Variants in NFATC1 observed in about 807,000 individuals in gnomAD.
NFATC1 encodes nuclear factor of activated T-cells, cytoplasmic 1.
NFATC1 carries 22 observed loss-of-function variants against 76.0 expected under a neutral mutation model. The observed-to-expected ratio is 0.29, with a 90% confidence interval of 0.21 to 0.41. The LOEUF is 0.41. Ranked by LOEUF, NFATC1 falls within the 10% of genes least tolerant of loss-of-function variation. The pLI, the probability that NFATC1 is intolerant of heterozygous loss-of-function variation, is 1.00. For missense variants in NFATC1, 1,357 were observed against 1,337.7 expected, an observed-to-expected ratio of 1.01 and a Z score of -0.23; for synonymous variants, 704 against 613.1, an observed-to-expected ratio of 1.15 and a Z score of -2.19.
intron 6 of NFATC1, 148 bp from the exon 7 acceptor site, chr18:79,461,163 G>A (rs576206188): frequency 8.2e-5 from 68 of 832,472 alleles, no homozygotes; most frequent in Non-Finnish European, 1.1e-4. Context: ...TGCTGCCCTC[G>A]ACAAAGCCCT....
chr18:79,490,046 G>C (rs1449843943), intron 9 of NFATC1, among the ~76,000 whole-genome samples: 9 of 152,204 alleles, frequency 5.9e-5, no homozygotes, highest in African/African-American at 2.2e-4. Flanking sequence ...ACAGCAGTTA[G>C]GGCTTCAGGC....
In NFATC1 at chr18:79,448,871, C is replaced by T; in HGVS notation, c.1476C>T (p.Tyr492=). The stretch of plus-strand genomic sequence containing the variant: ...GCCTGCTGCGCCCGCACGCCTTCTA[C>T]CAGGTGCACCGCATCACAGGGAAGA... ...DDRLLRPHAF[Y]QVHRITGKTV... is the part of the protein sequence containing the mutation. The change falls in exon 4 of 10, where the codon TAC becomes TAT. Residue 492 remains tyrosine, a synonymous_variant. Coordinates refer to ENST00000427363, the MANE Select transcript of NFATC1 (RefSeq NM_001278669.2). 6.2e-7 allele frequency: 1 copy of T among 1,613,802 alleles called. No homozygotes were observed. Among genetic ancestry groups the T allele is most frequent in the South Asian group, 1.1e-5 (1 of 91,088 alleles).
At chr18:79,519,263 AC>A (rs1418922146) in intron 9 of NFATC1, among the ~76,000 whole-genome samples, 1 of 152,248 alleles carries the variant, frequency 6.6e-6, no homozygotes, top group East Asian at 1.9e-4. Flanking sequence ...TTGTTTCACT[AC>A]CATCTGAAAA....
At position 79,524,837 on chromosome 18, in the gene NFATC1, C is replaced by A. The variant is rs995004877; in HGVS notation, c.2783-2691C>A. ...GCAAGGGGAAGCCCCATGGCCATGC[C>A]GCTTCCCTTTCACCCTCAGCGACGC... On this transcript the variant is annotated intron_variant, in intron 9 of 9. Transcript: ENST00000427363. The surrounding 1 kb of genome is among the most constrained non-coding windows in gnomAD (Gnocchi z 7.2). Among the ~76,000 whole-genome samples, 1 of 151,990 alleles carries A rather than the reference C, an allele frequency of 6.6e-6. No homozygotes were observed. Among genetic ancestry groups the A allele is most frequent in the Non-Finnish European group, 1.5e-5 (1 of 67,954 alleles).
intron 5 of NFATC1, 52 bp from the exon 6 acceptor site, chr18:79,451,624 C>T (rs2087477332): frequency 2.0e-6 from 3 of 1,465,606 alleles, no homozygotes; most frequent in Admixed American, 4.7e-5. Flanking sequence ...CACGTGTGCC[C>T]CAGGCCGCCC....
At chr18:79,412,960 C>T (rs889254902) in intron 2 of NFATC1, among the ~76,000 whole-genome samples, 13 of 152,130 alleles carry the variant, frequency 8.5e-5, no homozygotes, top group South Asian at 2.1e-4. Flanking sequence ...TGTCAGGACC[C>T]GGATTGTATT....
chr18:79,453,040 A>G (rs142005316), intron 6 of NFATC1, among the ~76,000 whole-genome samples: 1,707 of 152,322 alleles, frequency 0.011, 35 homozygotes, highest in African/African-American at 0.039. Context: ...ATTGGAAAAC[A>G]TGTTTTAAAT....
chr18:79,512,941 C>T (rs151213650), intron 9 of NFATC1, among the ~76,000 whole-genome samples: 1 of 152,244 alleles, frequency 6.6e-6, no homozygotes, highest in Non-Finnish European at 1.5e-5. Flanking sequence ...CCGCACCCCA[C>T]CCACACCAAA....
intron 2 of NFATC1, 128 bp downstream of exon 2, chr18:79,411,629 G>A: frequency 1.4e-6 from 1 of 716,218 alleles, no homozygotes; most frequent in Non-Finnish European, 1.8e-6. Flanking sequence ...ACCTGGGTGG[G>A]CAGGTGGGCT....
intron 3 of NFATC1, among the ~76,000 whole-genome samples, chr18:79,437,558 C>T (rs1298322105): frequency 6.6e-6 from 1 of 152,252 alleles, no homozygotes; most frequent in Non-Finnish European, 1.5e-5. Context: ...CTGCTTCTCA[C>T]CAGCATTTCC....
chr18:79,514,983 G>A (rs1398165578), intron 9 of NFATC1, among the ~76,000 whole-genome samples: 3 of 152,232 alleles, frequency 2.0e-5, no homozygotes, highest in Admixed American at 1.3e-4. Context: ...GGTCGAGGCT[G>A]CAGTGAGCTG....
chr18:79,421,388 A>AC (rs1214538120), intron 2 of NFATC1: 1 of 152,202 alleles, frequency 6.6e-6, no homozygotes, highest in Non-Finnish European at 1.5e-5. Flanking sequence ...GTTTCCAGAG[A>AC]CCGGGCCGTC....
chr18:79,502,974 G>A (rs1448321214), intron 9 of NFATC1, among the ~76,000 whole-genome samples: 1 of 152,232 alleles, frequency 6.6e-6, no homozygotes, highest in Non-Finnish European at 1.5e-5. Flanking sequence ...TCCTAGGTAT[G>A]TATTCAAGGA....
At chr18:79,526,990 G>C (rs2090783687) in intron 9 of NFATC1, 1 of 153,104 alleles carries the variant, frequency 6.5e-6, no homozygotes, top group African/African-American at 2.4e-5. Flanking sequence ...AGGTGGGTGG[G>C]GCGGGGATGC....
At chr18:79,469,635 C>T (rs997857040) in intron 8 of NFATC1, 25 of 985,926 alleles carry the variant, frequency 2.5e-5, no homozygotes, top group Middle Eastern at 5.2e-4. Flanking sequence ...GTCTCGGCTG[C>T]ACCCTCCACC....
At chr18:79,489,311 A>G (rs419923) in intron 9 of NFATC1, among the ~76,000 whole-genome samples, 96,546 of 152,020 alleles carry the variant, frequency 0.64, 30,754 homozygotes, top group African/African-American at 0.68. Context: ...GGGAGTGCAC[A>G]GACGACTCCC....
rs3786215 is a variant in NFATC1, at chr18:79,495,489, G to C, written c.2782+8552G>C. 5.9e-5 allele frequency among the ~76,000 whole-genome samples: 9 copies of C among 152,278 alleles called. No homozygotes were observed. The East Asian group carries it at 7.7e-4, about 13-fold the overall frequency. The stretch of plus-strand genomic sequence containing the variant: ...TTAAAAGTGGGTCTTAGCTTGTTTC[G>C]GCGTTAAGTGGAGAGCTGTCTAAAA... On this transcript the variant is annotated intron_variant, in intron 9 of 9. Coordinates refer to ENST00000427363, the MANE Select transcript of NFATC1 (RefSeq NM_001278669.2).
chr18:79,514,501 G>A lies in NFATC1; in HGVS notation c.2783-13027G>A, dbSNP rs535340804. On this transcript the variant is annotated intron_variant, in intron 9 of 9. Coordinates refer to ENST00000427363, the MANE Select transcript of NFATC1 (RefSeq NM_001278669.2). ...GGATCGCATAAGCCTGGGAGATCAA[G>A]GCTGCAGTGAGCTGTGATCGAACCA... 2.9e-5 allele frequency among the ~76,000 whole-genome samples: 4 copies of A among 140,348 alleles called. No homozygotes were observed. In the Admixed American group the frequency reaches 3.0e-4, roughly 11 times the overall value. The allele number at this position is 140,348 out of a possible 152,430, so 92.1% of individuals were successfully genotyped here.
chr18:79,401,214 C>T (rs1191939264), intron 1 of NFATC1, among the ~76,000 whole-genome samples: 1 of 151,316 alleles, frequency 6.6e-6, no homozygotes, highest in African/African-American at 2.4e-5. Flanking sequence ...GGCTGGTCAC[C>T]GTCCGCCCCT....
Sources: allele counts gnomAD v4.1 joint callset (sites outside exome capture counted in the v4.1 genomes callset), GRCh38; gene constraint gnomAD v4.1.1; non-coding constraint Gnocchi (gnomAD v3.1); transcripts MANE v1.5; gene names NCBI Gene and HGNC (gene_info 2026-07-23, HGNC 2026-07-21).